Variants in ARHGAP24 observed in about 807,000 individuals in gnomAD.
ARHGAP24 encodes Rho GTPase activating protein 24, also known as rho GTPase-activating protein 24.
In ARHGAP24, 50 loss-of-function variants were observed where a neutral mutation model predicts 76.4. That is an observed-to-expected ratio of 0.65 (90% CI 0.52 to 0.83). ARHGAP24 has a LOEUF of 0.83. Among genes scored for constraint, ARHGAP24 ranks in the 40% least tolerant of loss-of-function variants. The probability of loss-of-function intolerance (pLI) is 0.00; values close to 1 mark genes in which losing one functional copy is unlikely to be tolerated. For synonymous variants in ARHGAP24, 345 were observed against 323.3 expected (o/e 1.07, Z -0.72); for missense variants, 930 against 914.2 (o/e 1.02, Z -0.22).
At chr4:86,000,345 C>G (rs1247675599) in intron 9 of ARHGAP24, 134 bp from the exon 10 acceptor site, 3 of 747,376 alleles carry the variant, frequency 4.0e-6, no homozygotes, top group East Asian at 5.3e-5. Context: ...ATTGAAAGGG[C>G]TTTATTCCAA....
At chr4:85,555,907 C>T (rs912029597) in intron 1 of ARHGAP24, among the ~76,000 whole-genome samples, 3 of 152,114 alleles carry the variant, frequency 2.0e-5, no homozygotes, top group Non-Finnish European at 2.9e-5. Context: ...TTTAGGACAG[C>T]AGTGGCTGTC....
At chr4:85,676,986 G>T (rs2110006578) in intron 2 of ARHGAP24, among the ~76,000 whole-genome samples, 1 of 152,288 alleles carries the variant, frequency 6.6e-6, no homozygotes, top group South Asian at 2.1e-4. Flanking sequence ...GCTACCAGAA[G>T]GGAGGCTCCA....
intron 1 of ARHGAP24, among the ~76,000 whole-genome samples, chr4:85,559,323 A>G (rs967466042): frequency 1.3e-5 from 2 of 152,244 alleles, no homozygotes; most frequent in African/African-American, 4.8e-5. Context: ...GTCATGTACA[A>G]CATCATGTTT....
intron 3 of ARHGAP24, among the ~76,000 whole-genome samples, chr4:85,923,078 C>T (rs1351610464): frequency 6.6e-6 from 1 of 151,952 alleles, no homozygotes; most frequent in Non-Finnish European, 1.5e-5. Context: ...TGTTTGCCCT[C>T]CTGAAGTTGT....
At chr4:85,557,479 G>T (rs1726431782) in intron 1 of ARHGAP24, among the ~76,000 whole-genome samples, 1 of 152,142 alleles carries the variant, frequency 6.6e-6, no homozygotes, top group Non-Finnish European at 1.5e-5. Context: ...TAGAAGTGTG[G>T]GTCCCTGAGG....
chr4:85,939,642 G>C (rs150119180), intron 4 of ARHGAP24, among the ~76,000 whole-genome samples: 21 of 152,190 alleles, frequency 1.4e-4, no homozygotes, highest in Non-Finnish European at 2.4e-4. Context: ...AAGTAAAAAG[G>C]AAACCGAATT....
intron 1 of ARHGAP24, among the ~76,000 whole-genome samples, chr4:85,517,350 G>C (rs749309399): frequency 6.6e-6 from 1 of 151,828 alleles, no homozygotes; most frequent in East Asian, 1.9e-4. Context: ...TTTCTGAACA[G>C]TATATAATTG....
At chr4:85,803,551 C>T (rs534731832) in intron 3 of ARHGAP24, among the ~76,000 whole-genome samples, 2 of 152,164 alleles carry the variant, frequency 1.3e-5, no homozygotes, top group Non-Finnish European at 2.9e-5. Flanking sequence ...GTATTTGTAT[C>T]TATTTCCTTA....
intron 2 of ARHGAP24, among the ~76,000 whole-genome samples, chr4:85,607,998 A>C (rs1477835445): frequency 6.6e-6 from 1 of 152,062 alleles, no homozygotes; most frequent in East Asian, 1.9e-4. Context: ...CAGAAGCCAC[A>C]AAATGTGCCA....
At chr4:85,527,529 C>T (rs1221824033) in intron 1 of ARHGAP24, among the ~76,000 whole-genome samples, 1 of 152,022 alleles carries the variant, frequency 6.6e-6, no homozygotes, top group African/African-American at 2.4e-5. Context: ...TTCTTCTTAA[C>T]GTCTCTGTAT....
At chr4:85,657,903 T>A (rs1456061182) in intron 2 of ARHGAP24, among the ~76,000 whole-genome samples, 1 of 152,150 alleles carries the variant, frequency 6.6e-6, no homozygotes, top group Non-Finnish European at 1.5e-5. Flanking sequence ...CACAGGTGCG[T>A]GCCACCATGC....
At chr4:85,634,752 A>G (rs756481975) in intron 2 of ARHGAP24, among the ~76,000 whole-genome samples, 9 of 151,842 alleles carry the variant, frequency 5.9e-5, no homozygotes, top group Admixed American at 1.3e-4. Context: ...TCAGACTTCA[A>G]TGCATGGACC....
At chr4:85,831,152 C>G (rs1323251898) in intron 3 of ARHGAP24, among the ~76,000 whole-genome samples, 2 of 152,126 alleles carry the variant, frequency 1.3e-5, no homozygotes, top group African/African-American at 2.4e-5. Context: ...CCTATGTTCC[C>G]TTCAATAGCC....
chr4:85,802,880 T>C (rs1728637980), intron 3 of ARHGAP24, among the ~76,000 whole-genome samples: 1 of 152,192 alleles, frequency 6.6e-6, no homozygotes, highest in East Asian at 1.9e-4. Context: ...AATATCCAGT[T>C]TGAAAAATAA....
intron 2 of ARHGAP24, among the ~76,000 whole-genome samples, chr4:85,635,002 T>C (rs369595958): frequency 6.6e-6 from 1 of 151,886 alleles, no homozygotes; most frequent in Non-Finnish European, 1.5e-5. Context: ...ACCCCATCTG[T>C]ACTTAGTTAT....
chr4:85,826,881 T>C (rs1729737447), intron 3 of ARHGAP24, among the ~76,000 whole-genome samples: 1 of 152,222 alleles, frequency 6.6e-6, no homozygotes, highest in South Asian at 2.1e-4. Flanking sequence ...CAATCTAAAA[T>C]TCAGTTAAGT....
chr4:85,999,184 A>C (rs1381197946), intron 9 of ARHGAP24, among the ~76,000 whole-genome samples: 1 of 151,096 alleles, frequency 6.6e-6, no homozygotes, highest in Non-Finnish European at 1.5e-5. Flanking sequence ...CAGTATTTTA[A>C]TTTCAATTTC....
chr4:85,600,620 A>G (rs1484342155), intron 2 of ARHGAP24, among the ~76,000 whole-genome samples: 2 of 152,214 alleles, frequency 1.3e-5, no homozygotes, highest in Non-Finnish European at 2.9e-5. Context: ...AAAGCCCACA[A>G]AATATTTTAG....
chr4:85,773,032 T>C (rs1384006587), intron 3 of ARHGAP24, among the ~76,000 whole-genome samples: 4 of 152,194 alleles, frequency 2.6e-5, no homozygotes, highest in African/African-American at 9.7e-5. Context: ...GTATGAAAAA[T>C]GTCTTTTACA....
Sources: allele counts gnomAD v4.1 joint callset (sites outside exome capture counted in the v4.1 genomes callset), GRCh38; gene constraint gnomAD v4.1.1; transcripts MANE v1.5; gene names NCBI Gene and HGNC (gene_info 2026-07-23, HGNC 2026-07-21).